AIRIM: variants seen among roughly 807,000 people sequenced by gnomAD.
AIRIM encodes the protein AFG2-interacting ribosome maturation factor.
chr1:37,685,210 G>A, the AIRIM span, among the ~76,000 whole-genome samples: 4 of 93,856 alleles, frequency 4.3e-5, no homozygotes, highest in African/African-American at 8.0e-5. Context: ...GGGGGTGGGC[G>A]GGGGGTGGTT....
chr1:37,689,987 C>G, the AIRIM span: 2 of 1,445,034 alleles, frequency 1.4e-6, no homozygotes, highest in East Asian at 2.4e-5. Flanking sequence ...CGTGTTCAGA[C>G]AGGAGTTGTC....
chr1:37,689,712 A>T, the AIRIM span: 23 of 1,613,924 alleles, frequency 1.4e-5, no homozygotes, highest in South Asian at 2.5e-4. Context: ...ACATCCTCAA[A>T]CCGCAGGTTC....
At chr1:37,681,639 A>T in the AIRIM span, 2 of 152,234 alleles carry the variant, frequency 1.3e-5, no homozygotes, top group African/African-American at 4.8e-5. Context: ...ATAAATACAC[A>T]TTATTAATAA....
the AIRIM span, among the ~76,000 whole-genome samples, chr1:37,687,800 G>A: frequency 6.6e-6 from 1 of 152,166 alleles, no homozygotes; most frequent in Admixed American, 6.5e-5. Context: ...CAGCACTCCT[G>A]GGTTCAAATG....
the AIRIM span, chr1:37,690,569 T>A: frequency 9.9e-7 from 1 of 1,013,182 alleles, no homozygotes; most frequent in Non-Finnish European, 1.3e-6. Context: ...TCCGCGGGCC[T>A]GCCTGGCTAC....
the AIRIM span, among the ~76,000 whole-genome samples, chr1:37,688,725 A>G: frequency 6.6e-6 from 1 of 152,164 alleles, no homozygotes; most frequent in Admixed American, 6.5e-5. Flanking sequence ...AGGAAAGGCC[A>G]CACATGCCCT....
the AIRIM span, among the ~76,000 whole-genome samples, chr1:37,688,486 G>A: frequency 1.6e-4 from 24 of 152,192 alleles, no homozygotes; most frequent in Non-Finnish European, 2.9e-4. Context: ...CAATATCTTA[G>A]GACATCCCAC....
At chr1:37,686,183 AAACTACTT>A in the AIRIM span, 1 of 1,278,932 alleles carries the variant, frequency 7.8e-7, no homozygotes, top group Non-Finnish European at 1.1e-6. Context: ...GAACTGACTC[AAACTACTT>A]AGTTTTCCAA....
At chr1:37,685,184 C>CT in the AIRIM span, among the ~76,000 whole-genome samples, 466 of 70,398 alleles carry the variant, frequency 6.6e-3, 16 homozygotes, top group East Asian at 0.017. Context: ...CACTCGAATG[C>CT]TTTTTTTTGG....
chr1:37,690,310 T>C, the AIRIM span: 3 of 1,290,894 alleles, frequency 2.3e-6, no homozygotes, highest in Middle Eastern at 2.1e-4. Context: ...AAGGAGACCC[T>C]GGTTTCCCCT....
the AIRIM span, chr1:37,681,907 T>A: frequency 6.6e-6 from 1 of 152,240 alleles, no homozygotes; most frequent in Admixed American, 6.5e-5. Context: ...TATGTATCGA[T>A]GATAGCACGT....
chr1:37,686,584 C>T, the AIRIM span: 28 of 857,762 alleles, frequency 3.3e-5, no homozygotes, highest in East Asian at 8.0e-5. Flanking sequence ...CATTGTAGGA[C>T]GTGTAGGAGC....
the AIRIM span, chr1:37,690,188 T>C: frequency 8.5e-7 from 1 of 1,181,248 alleles, no homozygotes; most frequent in Non-Finnish European, 1.1e-6. Flanking sequence ...GGCTAATTTT[T>C]GTATTTTTAG....
At chr1:37,686,191 T>A in the AIRIM span, 1 of 1,328,518 alleles carries the variant, frequency 7.5e-7, no homozygotes, top group East Asian at 2.5e-5. Context: ...TCAAACTACT[T>A]AGTTTTCCAA....
At chr1:37,682,194 A>G in the AIRIM span, 4 of 152,372 alleles carry the variant, frequency 2.6e-5, no homozygotes, top group African/African-American at 9.6e-5. Flanking sequence ...CTTATAAGAA[A>G]AAAAGTTATT....
At chr1:37,690,589 A>G in the AIRIM span, 2 of 741,976 alleles carry the variant, frequency 2.7e-6, no homozygotes, top group Middle Eastern at 1.2e-3. Context: ...CTGAGTCGCG[A>G]AAATATATCG....
At chr1:37,684,544 G>A in the AIRIM span, among the ~76,000 whole-genome samples, 8 of 152,152 alleles carry the variant, frequency 5.3e-5, no homozygotes, top group Non-Finnish European at 1.0e-4. Flanking sequence ...GCTTGAACTC[G>A]GGAGGTGGAG....
chr1:37,690,210 C>G, the AIRIM span: 1 of 1,217,910 alleles, frequency 8.2e-7, no homozygotes, highest in Non-Finnish European at 1.1e-6. Context: ...AGACGGGGTT[C>G]CTGACCTCAG....
At chr1:37,689,888 T>C in the AIRIM span, 1 of 1,535,970 alleles carries the variant, frequency 6.5e-7, no homozygotes, top group Middle Eastern at 1.8e-4. Context: ...CATCTTCTGC[T>C]GAAAAAGATA....
Sources: gnomAD v4.1 joint callset for allele counts (sites outside exome capture counted in the v4.1 genomes callset) on GRCh38, gnomAD v4.1.1 for gene constraint, MANE v1.5 for transcripts, NCBI Gene and HGNC (gene_info 2026-07-23, HGNC 2026-07-21) for gene names.